The following SATB1 variants were observed in gnomAD, a reference collection of about 807,000 sequenced individuals.
SATB1 encodes the protein SATB homeobox 1, also known as DNA-binding protein SATB1.
In SATB1, 11 loss-of-function variants were observed where a neutral mutation model predicts 86.9. The ratio of observed to expected loss-of-function variants is 0.13; its 90% CI spans 0.08 to 0.21. SATB1 has a LOEUF of 0.21. Ranked by LOEUF, SATB1 falls within the 10% of genes least tolerant of loss-of-function variation. SATB1 has a pLI of 1.00. For synonymous variants in SATB1, 357 were observed against 357.2 expected, an observed-to-expected ratio of 1.00 and a Z score of 0.01; for missense variants, 551 against 937.6, an observed-to-expected ratio of 0.59 and a Z score of 5.39.
At chr3:18,417,764 G>C (rs1281510570) in intron 2 of SATB1, 3 of 672,478 alleles carry the variant, frequency 4.5e-6, no homozygotes, top group Non-Finnish European at 8.0e-6. Context: ...TAACTAAAAA[G>C]AGAGCACGGT....
At chr3:18,445,265 A>AAGCCCGAGCCGAGCCG (rs1312623004) in intron 1 of SATB1, 25 of 982,234 alleles carry the variant, frequency 2.5e-5, no homozygotes, top group Non-Finnish European at 3.0e-5. Flanking sequence ...AGGCGCACTG[A>AAGCCCGAGCCGAGCCG]AGCCCGAGCC....
intron 9 of SATB1, among the ~76,000 whole-genome samples, chr3:18,372,452 G>A (rs1285293452): frequency 6.6e-6 from 1 of 152,112 alleles, no homozygotes; most frequent in Non-Finnish European, 1.5e-5. Flanking sequence ...GAAGCAACAC[G>A]ATAACCAGAG....
intron 5 of SATB1, among the ~76,000 whole-genome samples, chr3:18,405,320 G>A (rs758395424): frequency 3.3e-5 from 5 of 151,634 alleles, no homozygotes; most frequent in African/African-American, 1.2e-4. Context: ...TGGTTAAATC[G>A]CTCATCCTCT....
intron 9 of SATB1, among the ~76,000 whole-genome samples, chr3:18,354,648 G>C (rs1009559954): frequency 2.0e-5 from 3 of 152,022 alleles, no homozygotes; most frequent in African/African-American, 7.2e-5. Context: ...AAACTCCAGT[G>C]ATTTTTCACA....
rs1274747266 is a variant in SATB1 at position 18,423,906 on chromosome 3, A to G, written c.-304T>C. ...GGTTTAAAAAAAAAATCACAATTCG[A>G]AAACCAACATATAGGGGTTTGTAAA... On this transcript the variant is annotated 5_prime_UTR_variant, in exon 1 of 11. Transcript: ENST00000338745. The G allele has an allele frequency of 6.6e-6, 1 of 152,086 alleles. No individual in the cohort carries two copies. Among genetic ancestry groups the G allele is most frequent in the Admixed American group, 6.5e-5 (1 of 15,274 alleles). 9.4% of individuals were successfully genotyped at this position (152,086 alleles called of 1,614,324 possible).
rs376112132 is a variant in SATB1 at position 18,345,716 on chromosome 3, T to C, written c.*3454A>G. ...ATTGGTTTCCACACTATCATGCAAA[T>C]TTCCAACTTGCTTTAACACAACAGT... On this transcript the variant is annotated 3_prime_UTR_variant, in exon 11 of 11. Transcript: ENST00000338745. 2 of 152,132 alleles carry C rather than the reference T, an allele frequency of 1.3e-5. No homozygotes were observed. Among genetic ancestry groups the C allele is most frequent in the East Asian group, 3.8e-4 (2 of 5,200 alleles). The allele number at this position is 152,132 out of a possible 1,614,324, so 9.4% of individuals were successfully genotyped here.
rs1387224335 is a variant in SATB1, at chr3:18,347,023, T to C, written c.*2147A>G. 6.6e-6 allele frequency: 1 copy of C among 152,196 alleles called. No homozygotes were observed. Among genetic ancestry groups the C allele is most frequent in the East Asian group, 1.9e-4 (1 of 5,196 alleles). 9.4% of individuals were successfully genotyped at this position (152,196 alleles called of 1,614,324 possible). ...AATTTTAAGTTTGCAACAAACCAGC[T>C]GCCTTCAGAGGAGCTTAGCTGTGCT... On this transcript the variant is annotated 3_prime_UTR_variant, in exon 11 of 11. Transcript: ENST00000338745.
intron 2 of SATB1, among the ~76,000 whole-genome samples, chr3:18,431,734 C>T (rs1045927017): frequency 9.2e-5 from 14 of 152,096 alleles, no homozygotes; most frequent in African/African-American, 3.4e-4. Context: ...GTTGTATGAA[C>T]CAGCAGTAGA....
intron 5 of SATB1, chr3:18,410,829 A>G (rs1014172833): frequency 1.4e-5 from 5 of 357,464 alleles, no homozygotes; most frequent in Non-Finnish European, 2.5e-5. Context: ...TATTAAAAAC[A>G]CATTTGTATA....
At chr3:18,438,458 A>G (rs1267610340) in intron 1 of SATB1, 1 of 152,206 alleles carries the variant, frequency 6.6e-6, no homozygotes, top group East Asian at 1.9e-4. Context: ...AGAAAAAGCA[A>G]CATCCCAACA....
Position 18,444,623 on chromosome 3 carries a change from G to C in SATB1, c.-25+895C>G, listed in dbSNP as rs1172795003. 6 of 985,408 alleles carry C rather than the reference G, an allele frequency of 6.1e-6. No homozygotes were observed. The highest frequency in any genetic ancestry group is 3.5e-5 in the African/African-American group (2 of 57,198). 61.0% of individuals were successfully genotyped at this position (985,408 alleles called of 1,614,324 possible). On this transcript the variant is annotated intron_variant, in intron 1 of 3. Coordinates refer to the SATB1 transcript ENST00000415069. This position sits in a 1 kb window ranked among gnomAD's most constrained non-coding sequence, Gnocchi z 5.1. ...AGAACTCACTCAGGCATGGACGTTG[G>C]GGGCGGCGGTGGCTGTCGAGTGCGG... is the stretch of plus-strand genomic sequence containing the variant.
At chr3:18,410,508 CT>C (rs964473087) in intron 5 of SATB1, among the ~76,000 whole-genome samples, 6 of 151,982 alleles carry the variant, frequency 3.9e-5, no homozygotes, top group African/African-American at 1.4e-4. Context: ...CTATATCCTA[CT>C]TAGGGGGACC....
intron 5 of SATB1, chr3:18,408,943 T>TC (rs1441799929): frequency 3.9e-5 from 6 of 151,916 alleles, no homozygotes; most frequent in African/African-American, 7.2e-5. Flanking sequence ...CCATGTCTAC[T>TC]CCTAAGCCTT....
At position 18,443,849 on chromosome 3, in the gene SATB1, T is replaced by C. The variant is rs563507415; in HGVS notation, c.-25+1669A>G. 6.6e-6 allele frequency among the ~76,000 whole-genome samples: 1 copy of C among 152,336 alleles called. No individual in the cohort carries two copies. The highest frequency in any genetic ancestry group is 2.1e-4 in the South Asian group (1 of 4,822). ...CTGCTAAGAGGACGGCCCTTTCTTCTGCCTCTTGCCCAACTCCAAACCCAC... is the reference window on the plus strand; with the variant it reads ...CTGCTAAGAGGACGGCCCTTTCTTCCGCCTCTTGCCCAACTCCAAACCCAC... On this transcript the variant is annotated intron_variant, in intron 1 of 3. Transcript: ENST00000415069. This position sits in a 1 kb window ranked among gnomAD's most constrained non-coding sequence, Gnocchi z 4.4.
intron 2 of SATB1, chr3:18,436,656 TATC>T (rs1699072297): frequency 6.6e-6 from 1 of 152,224 alleles, no homozygotes; most frequent in South Asian, 2.1e-4. Flanking sequence ...TTTTATATTT[TATC>T]ATTAATTTAG....
At chr3:18,407,393 G>A (rs1311372957) in intron 5 of SATB1, among the ~76,000 whole-genome samples, 2 of 151,948 alleles carry the variant, frequency 1.3e-5, no homozygotes, top group Non-Finnish European at 2.9e-5. Context: ...TAAAAATGAA[G>A]ATTGCACCAA....
Position 18,425,287 on chromosome 3 carries a change from C to G in SATB1, c.-1685G>C, listed in dbSNP as rs1223365172. The G allele has an allele frequency of 1.9e-5, 3 of 154,470 alleles. No homozygotes were observed. Among genetic ancestry groups the G allele is most frequent in the African/African-American group, 7.2e-5 (3 of 41,410 alleles). The allele number at this position is 154,470 out of a possible 1,614,324, so 9.6% of individuals were successfully genotyped here. On this transcript the variant is annotated 5_prime_UTR_variant, in exon 1 of 11. Transcript: ENST00000338745. ...GCCCGCCGCCGCCCGGAGCCTTCCC[C>G]AGCGGGGCCGGCTCATCCGCCGCGT...
intron 8 of SATB1, among the ~76,000 whole-genome samples, chr3:18,385,857 G>A (rs994745106): frequency 1.3e-5 from 2 of 152,000 alleles, no homozygotes; most frequent in Non-Finnish European, 2.9e-5. Flanking sequence ...GAGAAAACAT[G>A]CCCGTATCTT....
chr3:18,445,409 T>C, intron 1 of SATB1: 2 of 983,042 alleles, frequency 2.0e-6, no homozygotes, highest in Non-Finnish European at 2.4e-6. Context: ...CACACGGGGG[T>C]TGGCGCGGAA....
Sources: allele counts gnomAD v4.1 joint callset (sites outside exome capture counted in the v4.1 genomes callset), GRCh38; gene constraint gnomAD v4.1.1; non-coding constraint Gnocchi (gnomAD v3.1); transcripts MANE v1.5; gene names NCBI Gene and HGNC (gene_info 2026-07-23, HGNC 2026-07-21).